UTRN: variants seen among roughly 807,000 people sequenced by gnomAD.
The protein encoded by UTRN is dystrophin-related protein 1.
Under a neutral mutation model 463.9 loss-of-function variants are expected in UTRN, and 283 were observed. That is an observed-to-expected ratio of 0.61 (90% CI 0.55 to 0.67). The LOEUF (loss-of-function observed/expected upper bound fraction) is 0.67. Ranked by LOEUF, UTRN falls within the 30% of genes least tolerant of loss-of-function variation. The pLI, the probability that UTRN is intolerant of heterozygous loss-of-function variation, is 0.00. For synonymous variants in UTRN, 1,442 were observed against 1,431.5 expected, an observed-to-expected ratio of 1.01 and a Z score of -0.17; for missense variants, 3,922 against 4,084.3, an observed-to-expected ratio of 0.96 and a Z score of 1.08.
chr6:144,611,450 T>A (rs1805516344), intron 51 of UTRN, among the ~76,000 whole-genome samples: 1 of 152,202 alleles, frequency 6.6e-6, no homozygotes, highest in Non-Finnish European at 1.5e-5. Flanking sequence ...GATGTCATGA[T>A]CTTCTGTATA....
chr6:144,478,070 A>C (rs1791437428), intron 25 of UTRN, among the ~76,000 whole-genome samples: 2 of 152,220 alleles, frequency 1.3e-5, no homozygotes, highest in Non-Finnish European at 2.9e-5. Flanking sequence ...CATTGCATTG[A>C]CTAGTACAAA....
intron 53 of UTRN, among the ~76,000 whole-genome samples, chr6:144,725,551 G>A (rs1236561074): frequency 6.6e-6 from 1 of 152,132 alleles, no homozygotes; most frequent in Non-Finnish European, 1.5e-5. Context: ...CATTTAAGGT[G>A]GCCCATATAT....
chr6:144,667,458 A>G (rs1387656794), intron 51 of UTRN, among the ~76,000 whole-genome samples: 1 of 152,212 alleles, frequency 6.6e-6, no homozygotes, highest in Non-Finnish European at 1.5e-5. Flanking sequence ...GGTGTGGTTC[A>G]TCGATAATGA....
At chr6:144,666,883 A>G (rs943722878) in intron 51 of UTRN, among the ~76,000 whole-genome samples, 2 of 152,174 alleles carry the variant, frequency 1.3e-5, no homozygotes, top group Non-Finnish European at 2.9e-5. Flanking sequence ...CTGGGTTGGA[A>G]AACACATCGC....
At chr6:144,607,242 C>T (rs1342120769) in intron 51 of UTRN, among the ~76,000 whole-genome samples, 1 of 152,164 alleles carries the variant, frequency 6.6e-6, no homozygotes, top group African/African-American at 2.4e-5. Context: ...CAAACTGGAT[C>T]TCTGTTGAAC....
At chr6:144,347,837 G>GTTTTTTTTTTGTTTTTTTTTTTTT (rs1777720200) in intron 2 of UTRN, among the ~76,000 whole-genome samples, 1 of 128,902 alleles carries the variant, frequency 7.8e-6, no homozygotes, top group African/African-American at 3.4e-5. Flanking sequence ...CTTATTCTTT[G>GTTTTTTTTTTGTTTTTTTTTTTTT]TTTTTTTTTT....
At chr6:144,294,586 G>A (rs1032215439) in intron 2 of UTRN, among the ~76,000 whole-genome samples, 11 of 151,220 alleles carry the variant, frequency 7.3e-5, no homozygotes, top group African/African-American at 2.4e-4. Context: ...GCTCTTCCAG[G>A]TTTCTTTTTT....
chr6:144,548,776 A>T lies in UTRN; in HGVS notation c.6732A>T (p.Leu2244Phe), dbSNP rs1290150119. The change falls in exon 47 of 75, where the codon TTA (leucine) becomes TTT (phenylalanine). Residue 2244 changes from leucine (L) to phenylalanine (F), a missense_variant. Physicochemically the swap from Leu to Phe is conservative, Grantham distance 22 (BLOSUM62 0). Around this residue, in one of 3 missense-constraint regions of UTRN, gnomAD observed 1,309 missense variants for 1,452.6 expected, o/e 0.90. Coordinates refer to ENST00000367545, the MANE Select transcript of UTRN (RefSeq NM_007124.3). Reference sequence around the variant, plus strand: ...CAGAACTAGCCGACTGGCTGGTATTAATCGACCAGATGCTGAAGTCCAACA... The same window carrying T: ...CAGAACTAGCCGACTGGCTGGTATTTATCGACCAGATGCTGAAGTCCAACA... Reference protein sequence around the residue: ...TITELADWLVLIDQMLKSNIV... With the variant: ...TITELADWLVFIDQMLKSNIV... The T allele has an allele frequency of 3.7e-6, 6 of 1,613,930 alleles. No homozygotes were observed. The highest frequency in any genetic ancestry group is 2.7e-5 in the African/African-American group (2 of 74,930).
At chr6:144,604,491 A>G (rs918752907) in intron 51 of UTRN, among the ~76,000 whole-genome samples, 9 of 152,294 alleles carry the variant, frequency 5.9e-5, no homozygotes, top group African/African-American at 4.8e-5. Context: ...GTATAAATGA[A>G]TTATTATTAT....
At chr6:144,344,662 C>T (rs1183616950) in intron 2 of UTRN, among the ~76,000 whole-genome samples, 1 of 152,168 alleles carries the variant, frequency 6.6e-6, no homozygotes, top group Admixed American at 6.5e-5. Flanking sequence ...AGAGAAGAAG[C>T]CTCCTTTGTG....
At chr6:144,847,599 A>G (rs766319021) in intron 74 of UTRN, among the ~76,000 whole-genome samples, 1 of 152,128 alleles carries the variant, frequency 6.6e-6, no homozygotes, top group Non-Finnish European at 1.5e-5. Flanking sequence ...CATTTTTCTC[A>G]GGGTGGGAGG....
chr6:144,591,594 T>C (rs1585436675), intron 51 of UTRN, among the ~76,000 whole-genome samples: 2 of 152,194 alleles, frequency 1.3e-5, no homozygotes, highest in East Asian at 3.9e-4. Context: ...AAGTCGTCTT[T>C]ACTGTGAGTG....
At chr6:144,354,358 T>C (rs571921303) in intron 2 of UTRN, among the ~76,000 whole-genome samples, 2 of 152,202 alleles carry the variant, frequency 1.3e-5, no homozygotes, top group South Asian at 4.2e-4. Flanking sequence ...ATTGGAGAAA[T>C]AATTAGCAAG....
intron 23 of UTRN, among the ~76,000 whole-genome samples, chr6:144,464,771 A>AT (rs1373843108): frequency 6.6e-6 from 1 of 152,112 alleles, no homozygotes; most frequent in African/African-American, 2.4e-5. Context: ...AAATGCTAGG[A>AT]TTACAGACAT....
intron 56 of UTRN, among the ~76,000 whole-genome samples, 171 bp downstream of exon 56, chr6:144,752,123 G>T (rs1791465713): frequency 6.6e-6 from 1 of 152,008 alleles, no homozygotes; most frequent in African/African-American, 2.4e-5. Flanking sequence ...GAACCTAAAG[G>T]CCTCATTTAT....
At chr6:144,802,343 A>G (rs533197323) in intron 64 of UTRN, among the ~76,000 whole-genome samples, 1 of 152,122 alleles carries the variant, frequency 6.6e-6, no homozygotes, top group African/African-American at 2.4e-5. Flanking sequence ...CAGCCACACA[A>G]CTTTTAAATT....
intron 2 of UTRN, among the ~76,000 whole-genome samples, chr6:144,385,526 A>C (rs981480505): frequency 5.3e-5 from 8 of 152,222 alleles, no homozygotes; most frequent in Non-Finnish European, 1.0e-4. Flanking sequence ...TTGATGCTTA[A>C]AAGACCAGCA....
intron 3 of UTRN, among the ~76,000 whole-genome samples, chr6:144,416,207 A>T (rs570422714): frequency 4.6e-5 from 7 of 152,236 alleles, no homozygotes; most frequent in African/African-American, 1.7e-4. Flanking sequence ...TCACCCTATG[A>T]CCTGGTGTGC....
chr6:144,729,476 T>G (rs1413061282), intron 53 of UTRN, among the ~76,000 whole-genome samples: 1 of 152,180 alleles, frequency 6.6e-6, no homozygotes, highest in African/African-American at 2.4e-5. Context: ...AGTCTGACTT[T>G]TCATAATAGG....
Sources: gnomAD v4.1 joint callset for allele counts (sites outside exome capture counted in the v4.1 genomes callset) on GRCh38, gnomAD v4.1.1 for gene constraint, gnomAD v4.1.1 regional missense constraint, MANE v1.5 for transcripts, NCBI Gene and HGNC (gene_info 2026-07-23, HGNC 2026-07-21) for gene names.